Variants in KLHDC8A observed in about 807,000 individuals in gnomAD.
The protein encoded by KLHDC8A is kelch domain containing 8A, also known as kelch domain-containing protein 8A.
A neutral mutation model predicts 33.1 loss-of-function variants in KLHDC8A; 21 were observed. The ratio of observed to expected loss-of-function variants is 0.64; its 90% CI spans 0.45 to 0.91. The LOEUF is 0.91. KLHDC8A is among the 40% of genes least tolerant of loss of function. The pLI, the probability that KLHDC8A is intolerant of heterozygous loss-of-function variation, is 0.00. For missense variants in KLHDC8A, 435 were observed against 483.3 expected, an observed-to-expected ratio of 0.90 and a Z score of 0.94; for synonymous variants, 173 against 193.5, an observed-to-expected ratio of 0.89 and a Z score of 0.88.
chr1:205,352,153 C>T (rs943601963), intron 1 of KLHDC8A, among the ~76,000 whole-genome samples: 4 of 152,154 alleles, frequency 2.6e-5, no homozygotes, highest in African/African-American at 9.7e-5. Flanking sequence ...AGGTCCCAGG[C>T]CTCTTTGCTT....
chr1:205,352,849 A>G (rs988515088), intron 1 of KLHDC8A, among the ~76,000 whole-genome samples: 1 of 152,190 alleles, frequency 6.6e-6, no homozygotes, highest in Non-Finnish European at 1.5e-5. Context: ...GCCTGTCGCC[A>G]GGAGAATGTG....
rs1318625667 is a variant in KLHDC8A, at chr1:205,336,151, T to C, written c.*1248A>G. 6.6e-6 allele frequency: 1 copy of C among 152,196 alleles called. No homozygotes were observed. The highest frequency in any genetic ancestry group is 1.5e-5 in the Non-Finnish European group (1 of 68,040). The allele number at this position is 152,196 out of a possible 1,614,324, so 9.4% of individuals were successfully genotyped here. A position where few individuals can be genotyped will look rare whatever the true frequency, so the allele number is the denominator to read the frequency against. On this transcript the variant is annotated 3_prime_UTR_variant, in exon 6 of 6. Coordinates refer to ENST00000367155, the MANE Select transcript of KLHDC8A (RefSeq NM_018203.3). The stretch of plus-strand genomic sequence containing the variant: ...AAAATAACTGGGAGTCAGAAACAGA[T>C]GCTAAGAGGAGGCACATTCTTCAAG...
In KLHDC8A at chr1:205,339,843, C is replaced by T; in HGVS notation, c.377-35G>A. ...AAGGCCATACATGCCCCTGGCTTAGCTCACAGGTACAGCAAGACAGGCCCA... is the reference window on the plus strand; with the variant it reads ...AAGGCCATACATGCCCCTGGCTTAGTTCACAGGTACAGCAAGACAGGCCCA... On this transcript the variant is annotated intron_variant, in intron 2 of 5. Transcript: ENST00000367155. The surrounding 1 kb of genome is among the most constrained non-coding windows in gnomAD (Gnocchi z 5.1). 6.2e-7 allele frequency: 1 copy of T among 1,600,076 alleles called. No individual in the cohort carries two copies. The highest frequency in any genetic ancestry group is 8.5e-7 in the Non-Finnish European group (1 of 1,171,944).
intron 1 of KLHDC8A, among the ~76,000 whole-genome samples, chr1:205,353,695 C>T (rs984291708): frequency 6.6e-6 from 1 of 152,138 alleles, no homozygotes; most frequent in Non-Finnish European, 1.5e-5. Flanking sequence ...CCCAGCTTGC[C>T]ACCTTATTCT....
At position 205,343,591 on chromosome 1, in the gene KLHDC8A, T is replaced by G; in HGVS notation, c.14A>C (p.Asn5Thr). 1.2e-6 allele frequency: 2 copies of G among 1,601,606 alleles called. No homozygotes were observed. The highest frequency in any genetic ancestry group is 1.7e-6 in the Non-Finnish European group (2 of 1,172,012). Residue 5 changes from asparagine to threonine, a missense_variant, in exon 2 of 6, where the codon AAC (asparagine) becomes ACC (threonine). By Grantham distance (65) the Asn-to-Thr change is moderately conservative. Coordinates refer to ENST00000367155, the MANE Select transcript of KLHDC8A (RefSeq NM_018203.3). Reference sequence around the variant, plus strand: ...GCGCTTCCACTGGAAGTCCTTGACGTTAGGCACCTCCATGGCAGCCTTGGG... The same window carrying G: ...GCGCTTCCACTGGAAGTCCTTGACGGTAGGCACCTCCATGGCAGCCTTGGG... MEVP[N>T]VKDFQWKRLA...
At chr1:205,342,667 A>G (rs773369466) in intron 2 of KLHDC8A, among the ~76,000 whole-genome samples, 4 of 152,182 alleles carry the variant, frequency 2.6e-5, no homozygotes, top group Non-Finnish European at 5.9e-5. Flanking sequence ...CCTAATTCCC[A>G]TTGAACCATC....
chr1:205,351,717 G>A (rs977925194), intron 1 of KLHDC8A, among the ~76,000 whole-genome samples: 7 of 151,684 alleles, frequency 4.6e-5, no homozygotes, highest in Admixed American at 6.6e-5. Context: ...TCGGGAGTTT[G>A]AGACCAGCCT....
At chr1:205,340,081 C>T (rs1288116884) in intron 2 of KLHDC8A, among the ~76,000 whole-genome samples, 3 of 151,802 alleles carry the variant, frequency 2.0e-5, no homozygotes, top group Admixed American at 6.6e-5. Context: ...GTGGCATAAT[C>T]ATGGTTCACT....
chr1:205,337,680 C>T, intron 5 of KLHDC8A, 88 bp from the exon 6 acceptor site: 2 of 903,752 alleles, frequency 2.2e-6, no homozygotes, highest in Non-Finnish European at 3.4e-6. Flanking sequence ...CCCTTCGGCA[C>T]CCACAAGCAG....
chr1:205,351,429 A>T (rs919796972), intron 1 of KLHDC8A: 2 of 803,192 alleles, frequency 2.5e-6, no homozygotes, highest in Non-Finnish European at 4.5e-6. Context: ...GAATGGTGGT[A>T]ATATGAGGAA....
intron 1 of KLHDC8A, 129 bp downstream of exon 1, chr1:205,356,404 C>T (rs1364680320): frequency 9.8e-6 from 4 of 406,980 alleles, no homozygotes; most frequent in Admixed American, 5.2e-5. Context: ...CTTGTCCCTC[C>T]TGACCCCCAT....
rs1166775399 is a variant in KLHDC8A at position 205,336,221 on chromosome 1, C to G, written c.*1178G>C. The G allele has an allele frequency of 6.6e-6, 1 of 152,192 alleles. No homozygotes were observed. Among genetic ancestry groups the G allele is most frequent in the Admixed American group, 6.5e-5 (1 of 15,282 alleles). The allele number at this position is 152,192 out of a possible 1,614,324, so 9.4% of individuals were successfully genotyped here. ...CTACTTTGGATAGGACAAAAATGAG[C>G]TTTGGCTGAATGAACTGAGACTAGA... On this transcript the variant is annotated 3_prime_UTR_variant, in exon 6 of 6. Coordinates refer to ENST00000367155, the MANE Select transcript of KLHDC8A (RefSeq NM_018203.3).
At chr1:205,340,286 A>T (rs920030536) in intron 2 of KLHDC8A, among the ~76,000 whole-genome samples, 1 of 151,580 alleles carries the variant, frequency 6.6e-6, no homozygotes, top group Admixed American at 6.6e-5. Context: ...AAGTGCTGGG[A>T]TTGCAGGTGT....
At position 205,346,601 on chromosome 1, in the gene KLHDC8A, T is replaced by G. The variant is rs79812197; in HGVS notation, c.-189-2808A>C. 2.1e-4 allele frequency among the ~76,000 whole-genome samples: 32 copies of G among 152,024 alleles called. 1 individual carries two copies. In the East Asian group the frequency reaches 5.2e-3, roughly 25 times the overall value. The stretch of plus-strand genomic sequence containing the variant: ...ATCTTAAAACAGCCCTGGGAGGGGT[T>G]CAGGGGTAGGTATCAATATCCACTT... On this transcript the variant is annotated intron_variant, in intron 1 of 5. Transcript: ENST00000367155.
intron 1 of KLHDC8A, among the ~76,000 whole-genome samples, chr1:205,352,232 G>A (rs1300444296): frequency 1.3e-5 from 2 of 152,192 alleles, no homozygotes; most frequent in African/African-American, 2.4e-5. Flanking sequence ...GAGCCCACCA[G>A]CCTCCCTGGG....
chr1:205,347,573 T>A (rs548400018), intron 1 of KLHDC8A, among the ~76,000 whole-genome samples: 61 of 152,090 alleles, frequency 4.0e-4, no homozygotes, highest in African/African-American at 1.3e-3. Context: ...AAACAAAAAT[T>A]ATCTGAGCTT....
intron 1 of KLHDC8A, among the ~76,000 whole-genome samples, chr1:205,352,500 G>A (rs957968424): frequency 7.2e-5 from 11 of 152,304 alleles, no homozygotes; most frequent in African/African-American, 2.2e-4. Flanking sequence ...TTTCACCCCC[G>A]CTCCCTAGGG....
intron 1 of KLHDC8A, among the ~76,000 whole-genome samples, chr1:205,352,591 G>A (rs1003884419): frequency 2.6e-5 from 4 of 152,226 alleles, no homozygotes; most frequent in Non-Finnish European, 4.4e-5. Flanking sequence ...GGAGAGGGCG[G>A]GGACGCGTGA....
chr1:205,348,311 T>G (rs1430062538), intron 1 of KLHDC8A: 1 of 151,752 alleles, frequency 6.6e-6, no homozygotes, highest in South Asian at 2.1e-4. Flanking sequence ...TTCAGGGGGA[T>G]AGGAGGGAAG....
Sources: allele counts gnomAD v4.1 joint callset (sites outside exome capture counted in the v4.1 genomes callset), GRCh38; gene constraint gnomAD v4.1.1; non-coding constraint Gnocchi (gnomAD v3.1); transcripts MANE v1.5; gene names NCBI Gene and HGNC (gene_info 2026-07-23, HGNC 2026-07-21).